Variants in CPLANE1 observed in about 807,000 individuals in gnomAD.
CPLANE1 encodes the protein ciliogenesis and planar polarity effector complex subunit 1, also known as ciliogenesis and planar polarity effector 1.
A neutral mutation model predicts 362.5 loss-of-function variants in CPLANE1; 263 were observed. The ratio of observed to expected loss-of-function variants is 0.73; its 90% confidence interval spans 0.66 to 0.80. The LOEUF is 0.80. CPLANE1 is among the 30% of genes least tolerant of loss of function. CPLANE1 has a pLI of 0.00. For missense variants in CPLANE1, 3,461 were observed against 3,793.4 expected (o/e 0.91, Z 2.30); for synonymous variants, 1,212 against 1,302.6 (o/e 0.93, Z 1.50).
At chr5:37,142,641 T>A (rs1770133505) in intron 43 of CPLANE1, 161 bp from the exon 44 acceptor site, 1 of 452,550 alleles carries the variant, frequency 2.2e-6, no homozygotes, top group African/African-American at 2.0e-5. Flanking sequence ...TAATAAAAAA[T>A]TTGAAGTTAA....
chr5:37,107,926 A>T, intron 52 of CPLANE1, 148 bp from the exon 53 acceptor site: 1 of 1,313,708 alleles, frequency 7.6e-7, no homozygotes, highest in Non-Finnish European at 1.0e-6. Flanking sequence ...GCCAGGAAAT[A>T]GGGCTGTGAT....
chr5:37,220,443 T>C (rs1156385603), intron 15 of CPLANE1, among the ~76,000 whole-genome samples: 1 of 152,170 alleles, frequency 6.6e-6, no homozygotes, highest in East Asian at 1.9e-4. Context: ...CATTCATATA[T>C]ATCTTTCCCT....
Position 37,129,834 on chromosome 5 carries a change from G to A in CPLANE1, c.8793-4425C>T, listed in dbSNP as rs184712591. On this transcript the variant is annotated intron_variant, in intron 46 of 52. Transcript: ENST00000651892. ...TACAACCACTATGGAAAACAGTGTG[G>A]ATATTCCTTAAAGAACTAAAAGTAG... is the stretch of plus-strand genomic sequence containing the variant. Among the ~76,000 whole-genome samples, 31 of 152,262 alleles carry A rather than the reference G, an allele frequency of 2.0e-4. No homozygotes were observed. In the East Asian group the frequency reaches 6.0e-3, roughly 29 times the overall value.
chr5:37,228,323 C>T (rs537103226), intron 9 of CPLANE1, among the ~76,000 whole-genome samples: 2 of 152,036 alleles, frequency 1.3e-5, no homozygotes, highest in Non-Finnish European at 2.9e-5. Context: ...TTATGATGTA[C>T]CTGATTCTGA....
Position 37,187,567 on chromosome 5 carries a change from A to G in CPLANE1, c.3927T>C (p.Leu1309=), listed in dbSNP as rs1467465804. The change falls in exon 23 of 53, where the codon CTT becomes CTC. Residue 1309 remains leucine (L), a synonymous_variant. Coordinates refer to ENST00000651892, the MANE Select transcript of CPLANE1 (RefSeq NM_001384732.1). The part of the protein sequence containing the change: ...ARENVKGEKD[L]EVEFDSCMIE... ...TCATACAAGAATCAAACTCCACTTC[A>G]AGGTCCTAAAAGGATATTGAAAAAC... is the stretch of plus-strand genomic sequence containing the variant. 1.2e-6 allele frequency: 2 copies of G among 1,600,434 alleles called. No individual in the cohort carries two copies. The highest frequency in any genetic ancestry group is 1.8e-5 in the Admixed American group (1 of 56,600).
chr5:37,093,423 G>A, the CPLANE1 span, among the ~76,000 whole-genome samples: 2 of 152,160 alleles, frequency 1.3e-5, no homozygotes, highest in African/African-American at 4.8e-5. Flanking sequence ...TAGTTGGGAT[G>A]AGGTGAAACA....
intron 19 of CPLANE1, 109 bp downstream of exon 19, chr5:37,201,482 G>A (rs1789169893): frequency 1.2e-6 from 1 of 839,160 alleles, no homozygotes; most frequent in East Asian, 2.7e-5. Context: ...CTATACGTTT[G>A]TCTTTAGAGC....
the CPLANE1 span, among the ~76,000 whole-genome samples, chr5:37,092,506 C>G: frequency 1.3e-5 from 2 of 152,350 alleles, no homozygotes; most frequent in East Asian, 3.9e-4. Flanking sequence ...TCACAGGGGA[C>G]AAGCCCATAG....
Position 37,209,428 on chromosome 5 carries a change from A to G in CPLANE1, c.2921-3003T>C. 7.7e-7 allele frequency: 1 copy of G among 1,297,292 alleles called. No individual in the cohort carries two copies. The highest frequency in any genetic ancestry group is 1.1e-6 in the Non-Finnish European group (1 of 893,532). 80.4% of individuals were successfully genotyped at this position (1,297,292 alleles called of 1,614,324 possible). On this transcript the variant is annotated intron_variant, in intron 16 of 52. Transcript: ENST00000651892. The surrounding 1 kb of genome is among the most constrained non-coding windows in gnomAD (Gnocchi z 4.6). The stretch of plus-strand genomic sequence containing the variant: ...TTGAGTCAAAATGAACTGCGCAAAA[A>G]GCTATACCAGACATTTAAGGATCGG...
At chr5:37,233,183 G>A (rs529400663) in intron 8 of CPLANE1, among the ~76,000 whole-genome samples, 18 of 152,342 alleles carry the variant, frequency 1.2e-4, no homozygotes, top group African/African-American at 4.3e-4. Flanking sequence ...CAAGCCTAGA[G>A]CAGCGTCAGA....
intron 28 of CPLANE1, 51 bp downstream of exon 28, chr5:37,179,966 C>G (rs768022053): frequency 8.0e-7 from 1 of 1,251,004 alleles, no homozygotes; most frequent in Admixed American, 2.7e-5. Flanking sequence ...ATATTATTTA[C>G]CAATTTCAAA....
chr5:37,146,843 A>C (rs1259911154), intron 43 of CPLANE1, among the ~76,000 whole-genome samples: 2 of 152,192 alleles, frequency 1.3e-5, no homozygotes, highest in Non-Finnish European at 2.9e-5. Context: ...AAAGCATATC[A>C]AAAAGATATA....
chr5:37,201,848 T>C, intron 18 of CPLANE1, 40 bp from the exon 19 acceptor site: 2 of 1,391,202 alleles, frequency 1.4e-6, no homozygotes, highest in Non-Finnish European at 2.0e-6. Context: ...TTAAAGCTTG[T>C]ATTAAACTTC....
At chr5:37,111,005 C>T (rs1759096564) in intron 51 of CPLANE1, among the ~76,000 whole-genome samples, 1 of 151,250 alleles carries the variant, frequency 6.6e-6, no homozygotes, top group African/African-American at 2.4e-5. Context: ...GATGGGGTTT[C>T]ACCGTGTTAG....
chr5:37,249,075 C>A (rs998893219), intron 1 of CPLANE1, among the ~76,000 whole-genome samples, 170 bp downstream of exon 1: 1 of 152,208 alleles, frequency 6.6e-6, no homozygotes, highest in Non-Finnish European at 1.5e-5. Context: ...CGGGCCCGGA[C>A]TGGGTAGTGG....
At chr5:37,120,427 G>A in intron 49 of CPLANE1, 87 bp from the exon 50 acceptor site, 1 of 1,192,084 alleles carries the variant, frequency 8.4e-7, no homozygotes, top group South Asian at 1.6e-5. Context: ...AAATTAAGCT[G>A]GGCACAGTAG....
intron 32 of CPLANE1, among the ~76,000 whole-genome samples, chr5:37,171,745 A>ACTCTCTCTCT (rs56407367): frequency 5.0e-4 from 64 of 128,412 alleles, no homozygotes; most frequent in African/African-American, 1.3e-3. Context: ...TCTCTAGCTT[A>ACTCTCTCTCT]CTCTCTCTCT....
the CPLANE1 span, among the ~76,000 whole-genome samples, chr5:37,079,000 T>TTGTC: frequency 6.6e-6 from 1 of 152,222 alleles, no homozygotes; most frequent in African/African-American, 2.4e-5. Flanking sequence ...ATTCTGTAAG[T>TTGTC]TGTCTACTTG....
At chr5:37,101,276 G>A (rs763038286), downstream of CPLANE1, among the ~76,000 whole-genome samples, 1 of 152,174 alleles carries the variant, frequency 6.6e-6, no homozygotes, top group African/African-American at 2.4e-5. Flanking sequence ...TTAGAGGTAT[G>A]TTCCTTCAAT....
Sources: allele counts gnomAD v4.1 joint callset (sites outside exome capture counted in the v4.1 genomes callset), GRCh38; gene constraint gnomAD v4.1.1; non-coding constraint Gnocchi (gnomAD v3.1); transcripts MANE v1.5; gene names NCBI Gene and HGNC (gene_info 2026-07-23, HGNC 2026-07-21).